Variants in DLG2 observed in about 807,000 individuals in gnomAD.
The protein encoded by DLG2 is discs large MAGUK scaffold protein 2.
In DLG2, 45 loss-of-function variants were observed where a neutral mutation model predicts 132.5. That is an observed-to-expected ratio of 0.34 (90% CI 0.27 to 0.44). DLG2 has a LOEUF of 0.44. Ranked by LOEUF, DLG2 falls within the 20% of genes least tolerant of loss-of-function variation. DLG2 has a pLI of 1.00. For missense variants in DLG2, 1,045 were observed against 1,196.9 expected, an observed-to-expected ratio of 0.87 and a Z score of 1.87; for synonymous variants, 424 against 419.6, an observed-to-expected ratio of 1.01 and a Z score of -0.13.
intron 6 of DLG2, among the ~76,000 whole-genome samples, chr11:84,713,370 A>T (rs2060658631): frequency 6.6e-6 from 1 of 152,094 alleles, no homozygotes; most frequent in Non-Finnish European, 1.5e-5. Flanking sequence ...CACTGTAAAG[A>T]TTAAGTGAGT....
chr11:83,587,023 T>C (rs1362730682), intron 19 of DLG2, among the ~76,000 whole-genome samples: 2 of 152,220 alleles, frequency 1.3e-5, no homozygotes, highest in Non-Finnish European at 2.9e-5. Flanking sequence ...CTTCTTCTAG[T>C]TATGTGGCTA....
chr11:84,533,229 T>C (rs776584045), intron 7 of DLG2, among the ~76,000 whole-genome samples: 3 of 152,250 alleles, frequency 2.0e-5, no homozygotes, highest in South Asian at 2.1e-4. Flanking sequence ...CTGTCAGTTA[T>C]GCACAGTGGA....
chr11:84,898,658 C>A (rs2090504003), intron 6 of DLG2, among the ~76,000 whole-genome samples: 1 of 151,836 alleles, frequency 6.6e-6, no homozygotes, highest in Non-Finnish European at 1.5e-5. Flanking sequence ...GGCTTCCATT[C>A]CCAAGTATAC....
chr11:85,002,907 A>G (rs747198483), intron 6 of DLG2, among the ~76,000 whole-genome samples: 3 of 151,908 alleles, frequency 2.0e-5, no homozygotes, highest in Non-Finnish European at 4.4e-5. Context: ...TCTCTTTCTT[A>G]TTATAGTCTC....
intron 6 of DLG2, among the ~76,000 whole-genome samples, chr11:84,698,526 A>C (rs1318213315): frequency 1.3e-5 from 2 of 151,596 alleles, no homozygotes; most frequent in African/African-American, 2.4e-5. Flanking sequence ...TGGTATAAGT[A>C]ATTGTAAAAT....
chr11:83,828,183 T>C (rs575882669), intron 17 of DLG2, among the ~76,000 whole-genome samples: 1 of 152,270 alleles, frequency 6.6e-6, no homozygotes, highest in South Asian at 2.1e-4. Flanking sequence ...AGTAAAACGT[T>C]ACTTCCCTTT....
intron 3 of DLG2, among the ~76,000 whole-genome samples, chr11:85,478,746 A>G (rs1169694851): frequency 1.3e-5 from 2 of 152,210 alleles, no homozygotes; most frequent in African/African-American, 4.8e-5. Flanking sequence ...CTTTTAGGGA[A>G]GGAATTATCT....
intron 6 of DLG2, among the ~76,000 whole-genome samples, chr11:84,591,144 T>C (rs920506280): frequency 1.3e-5 from 2 of 151,942 alleles, no homozygotes; most frequent in Non-Finnish European, 2.9e-5. Context: ...CATACTGTCA[T>C]ACTCCATGCT....
At position 85,046,407 on chromosome 11, in the gene DLG2, CA is replaced by C. The variant is rs552968332; in HGVS notation, c.357+65253del. ...TTATGAGGATAGGCTAGAAACTTTT[CA>C]GATGAGGCAAATAATTAAATTACCT... On this transcript the variant is annotated intron_variant, in intron 6 of 27. Transcript: ENST00000376104. 7.9e-5 allele frequency among the ~76,000 whole-genome samples: 12 copies of C among 152,032 alleles called. No individual in the cohort carries two copies. In the South Asian group the frequency reaches 2.3e-3, roughly 29 times the overall value.
chr11:84,406,746 C>G (rs1350907745), intron 7 of DLG2, among the ~76,000 whole-genome samples: 1 of 152,180 alleles, frequency 6.6e-6, no homozygotes, highest in Non-Finnish European at 1.5e-5. Flanking sequence ...TTTCACATAC[C>G]TCTCTGCCAC....
intron 11 of DLG2, among the ~76,000 whole-genome samples, chr11:84,041,489 G>A (rs1287174610): frequency 1.3e-5 from 2 of 151,832 alleles, no homozygotes; most frequent in Admixed American, 1.3e-4. Context: ...TGGGCAATTT[G>A]ATAGTTAAAA....
At chr11:85,138,661 T>C (rs2076271881) in intron 5 of DLG2, among the ~76,000 whole-genome samples, 1 of 152,086 alleles carries the variant, frequency 6.6e-6, no homozygotes, top group Non-Finnish European at 1.5e-5. Flanking sequence ...GTCTTTCCCA[T>C]GCTATACTTG....
chr11:84,114,463 AAGG>A (rs1437813726), intron 9 of DLG2, among the ~76,000 whole-genome samples: 1 of 152,152 alleles, frequency 6.6e-6, no homozygotes, highest in Non-Finnish European at 1.5e-5. Context: ...AAGCGAACTC[AAGG>A]AGCTGAGGCA....
chr11:83,488,926 G>T (rs1403651318), intron 21 of DLG2, among the ~76,000 whole-genome samples: 1 of 151,988 alleles, frequency 6.6e-6, no homozygotes. Flanking sequence ...ACAAAGAGGG[G>T]TTAAGGGAAA....
chr11:83,726,014 G>C (rs145194897), intron 18 of DLG2, among the ~76,000 whole-genome samples: 172 of 152,048 alleles, frequency 1.1e-3, no homozygotes, highest in African/African-American at 3.8e-3. Context: ...CAGTGCACAG[G>C]CTAAAAAACC....
intron 4 of DLG2, among the ~76,000 whole-genome samples, chr11:85,215,264 G>A (rs1409272222): frequency 6.6e-6 from 1 of 152,070 alleles, no homozygotes; most frequent in African/African-American, 2.4e-5. Context: ...GTTTTTTAAT[G>A]GCATTATGGG....
intron 6 of DLG2, among the ~76,000 whole-genome samples, chr11:84,850,000 A>G (rs967012009): frequency 1.3e-5 from 2 of 152,082 alleles, no homozygotes; most frequent in Non-Finnish European, 1.5e-5. Flanking sequence ...TCTTTTACAA[A>G]ATATTCCATT....
At chr11:84,252,846 C>T (rs930298468) in intron 7 of DLG2, among the ~76,000 whole-genome samples, 31 of 152,160 alleles carry the variant, frequency 2.0e-4, no homozygotes, top group Non-Finnish European at 4.4e-4. Flanking sequence ...CTCTTCTATA[C>T]GACATGGTGG....
chr11:84,152,837 T>G lies in DLG2; in HGVS notation c.624+10624A>C, dbSNP rs79811635. On this transcript the variant is annotated intron_variant, in intron 9 of 27. Coordinates refer to ENST00000376104, the MANE Select transcript of DLG2 (RefSeq NM_001142699.3). ...ACTTTGTGCATTTTAAGTGGGGCAT[T>G]TAGGCCATTTATATTCAAGGTTACT... Among the ~76,000 whole-genome samples, 213 of 152,310 alleles carry G rather than the reference T, an allele frequency of 1.4e-3. 5 individuals carry two copies. The East Asian group carries it at 0.029, about 21-fold the overall frequency.
Sources: gnomAD v4.1 joint callset for allele counts (sites outside exome capture counted in the v4.1 genomes callset) on GRCh38, gnomAD v4.1.1 for gene constraint, MANE v1.5 for transcripts, NCBI Gene and HGNC (gene_info 2026-07-23, HGNC 2026-07-21) for gene names.